Variants in TAFA1 observed in about 807,000 individuals in gnomAD.
TAFA1 encodes chemokine-like protein TAFA-1.
TAFA1 carries 4 observed loss-of-function variants against 18.5 expected under a neutral mutation model. The ratio of observed to expected loss-of-function variants is 0.22; its 90% CI spans 0.11 to 0.49. TAFA1 has a LOEUF of 0.49. TAFA1 is among the 20% of genes least tolerant of loss of function. The probability of loss-of-function intolerance (pLI) is 0.98; values close to 1 mark genes in which losing one functional copy is unlikely to be tolerated. For missense variants in TAFA1, 147 were observed against 169.0 expected, an observed-to-expected ratio of 0.87 and a Z score of 0.72; for synonymous variants, 56 against 55.2, an observed-to-expected ratio of 1.01 and a Z score of -0.06.
intron 3 of TAFA1, among the ~76,000 whole-genome samples, chr3:68,505,917 C>T (rs905369466): frequency 1.3e-5 from 2 of 149,968 alleles, no homozygotes; most frequent in African/African-American, 4.9e-5. Context: ...ACTTTAAGTT[C>T]TGGGATACTT....
chr3:68,223,554 C>T (rs553454722), intron 2 of TAFA1, among the ~76,000 whole-genome samples: 1 of 151,310 alleles, frequency 6.6e-6, no homozygotes, highest in African/African-American at 2.4e-5. Flanking sequence ...TTTATTATCA[C>T]CATGTCCTTC....
At chr3:68,098,409 G>A (rs1364730655) in intron 2 of TAFA1, among the ~76,000 whole-genome samples, 1 of 152,044 alleles carries the variant, frequency 6.6e-6, no homozygotes, top group Non-Finnish European at 1.5e-5. Flanking sequence ...ACCATAAAAT[G>A]GAAAGAATAA....
chr3:68,074,471 T>A (rs2064799507), intron 2 of TAFA1, among the ~76,000 whole-genome samples: 1 of 152,154 alleles, frequency 6.6e-6, no homozygotes, highest in Admixed American at 6.5e-5. Context: ...TCTATGACCT[T>A]GGGCAAATAT....
chr3:68,142,648 A>G (rs1168976023), intron 2 of TAFA1, among the ~76,000 whole-genome samples: 1 of 152,212 alleles, frequency 6.6e-6, no homozygotes, highest in East Asian at 1.9e-4. Context: ...AGGGTGGGCT[A>G]AAGAAGTTCC....
intron 2 of TAFA1, among the ~76,000 whole-genome samples, chr3:68,267,910 T>A (rs1270809755): frequency 6.6e-6 from 1 of 152,176 alleles, no homozygotes; most frequent in Non-Finnish European, 1.5e-5. Flanking sequence ...CAGATAATTT[T>A]AAGGCTGCTA....
At chr3:68,205,953 T>C (rs2066521413) in intron 2 of TAFA1, among the ~76,000 whole-genome samples, 1 of 151,828 alleles carries the variant, frequency 6.6e-6, no homozygotes, top group Admixed American at 6.6e-5. Flanking sequence ...GCAGTAGAAA[T>C]GAAAGTATAG....
rs548215866 is a variant in TAFA1, at chr3:68,311,304, A to G, written c.119-105976A>G. Reference sequence around the variant, plus strand: ...ATCATTCTGCCCCTGGCCTCTCTCAAATTTCATCAAAACCAATCATGCCTT... The same window carrying G: ...ATCATTCTGCCCCTGGCCTCTCTCAGATTTCATCAAAACCAATCATGCCTT... On this transcript the variant is annotated intron_variant, in intron 2 of 4. Transcript: ENST00000478136. 4.6e-4 allele frequency among the ~76,000 whole-genome samples: 12 copies of G among 26,336 alleles called. No individual in the cohort carries two copies. In the South Asian group the frequency reaches 0.011, roughly 24 times the overall value. 17.3% of individuals were successfully genotyped at this position (26,336 alleles called of 152,430 possible). A position where few individuals can be genotyped will look rare whatever the true frequency, so the allele number is the denominator to read the frequency against.
chr3:68,034,096 A>G (rs1025072474), intron 2 of TAFA1, among the ~76,000 whole-genome samples: 5 of 152,174 alleles, frequency 3.3e-5, no homozygotes, highest in South Asian at 2.1e-4. Flanking sequence ...AAAATTGCCT[A>G]CTTGCTACCC....
chr3:68,477,431 G>A (rs1343108784), intron 3 of TAFA1, among the ~76,000 whole-genome samples: 1 of 152,154 alleles, frequency 6.6e-6, no homozygotes, highest in African/African-American at 2.4e-5. Flanking sequence ...CTGGAGTGCA[G>A]TGGTGCAATC....
At chr3:68,380,713 G>T (rs1447143635) in intron 2 of TAFA1, among the ~76,000 whole-genome samples, 1 of 151,920 alleles carries the variant, frequency 6.6e-6, no homozygotes, top group Non-Finnish European at 1.5e-5. Context: ...CTCCCATTTT[G>T]TAGGTTGCCT....
intron 3 of TAFA1, among the ~76,000 whole-genome samples, chr3:68,470,712 T>C (rs1464685919): frequency 1.3e-5 from 2 of 152,108 alleles, no homozygotes; most frequent in African/African-American, 2.4e-5. Context: ...CAAGAGGTGA[T>C]TTAGGTGCTG....
intron 2 of TAFA1, among the ~76,000 whole-genome samples, chr3:68,033,583 G>A (rs1206817880): frequency 6.6e-6 from 1 of 152,110 alleles, no homozygotes; most frequent in Non-Finnish European, 1.5e-5. Context: ...TTATATGCAT[G>A]TAAGCCAATG....
At chr3:68,199,878 T>C (rs75385629) in intron 2 of TAFA1, among the ~76,000 whole-genome samples, 5,446 of 151,560 alleles carry the variant, frequency 0.036, 163 homozygotes, top group Non-Finnish European at 0.051. Flanking sequence ...AGTATGAACA[T>C]TGAAAAGGAG....
At chr3:68,374,836 C>G (rs2069777344) in intron 2 of TAFA1, among the ~76,000 whole-genome samples, 1 of 152,134 alleles carries the variant, frequency 6.6e-6, no homozygotes, top group South Asian at 2.1e-4. Flanking sequence ...TGCATATTAT[C>G]TCAATGATCT....
rs941460756 is a variant in TAFA1, at chr3:68,392,175, G to C, written c.119-25105G>C. Among the ~76,000 whole-genome samples, 8 of 22,380 alleles carry C rather than the reference G, an allele frequency of 3.6e-4. No individual in the cohort carries two copies. The South Asian group carries it at 8.5e-3, about 24-fold the overall frequency. 14.7% of individuals were successfully genotyped at this position (22,380 alleles called of 152,430 possible). A position where few individuals can be genotyped will look rare whatever the true frequency, so the allele number is the denominator to read the frequency against. The stretch of plus-strand genomic sequence containing the variant: ...AAGGGAGGGAGGAATATTTAGGAAA[G>C]CAAAAAAAAAAAAAAAAAAAAGTAG... On this transcript the variant is annotated intron_variant, in intron 2 of 4. Coordinates refer to ENST00000478136, the MANE Select transcript of TAFA1 (RefSeq NM_213609.4).
At chr3:68,214,743 A>C (rs1319322979) in intron 2 of TAFA1, among the ~76,000 whole-genome samples, 1 of 152,106 alleles carries the variant, frequency 6.6e-6, no homozygotes, top group African/African-American at 2.4e-5. Flanking sequence ...TATCATCAGC[A>C]ACTGCAGTTT....
rs149288538 is a variant in TAFA1 at position 68,185,277 on chromosome 3, G to A, written c.118+178533G>A. Among the ~76,000 whole-genome samples, 841 of 152,162 alleles carry A rather than the reference G, an allele frequency of 5.5e-3. 4 individuals are homozygous for A. Among genetic ancestry groups the A allele is most frequent in the Non-Finnish European group, 9.2e-3 (626 of 67,988 alleles). On this transcript the variant is annotated intron_variant, in intron 2 of 4. Transcript: ENST00000478136. Reference sequence around the variant, plus strand: ...AAGGGAAAGGACGTTTCCAAATAGAGCAAATCACATTTGGGGAGCCAACAT... The same window carrying A: ...AAGGGAAAGGACGTTTCCAAATAGAACAAATCACATTTGGGGAGCCAACAT...
chr3:68,396,265 A>G (rs1010653562), intron 2 of TAFA1, among the ~76,000 whole-genome samples: 1 of 152,164 alleles, frequency 6.6e-6, no homozygotes, highest in Non-Finnish European at 1.5e-5. Flanking sequence ...CAGACAAGTC[A>G]TGAATGAACA....
intron 2 of TAFA1, among the ~76,000 whole-genome samples, chr3:68,246,463 G>A (rs9824986): frequency 4.6e-5 from 7 of 151,406 alleles, no homozygotes; most frequent in African/African-American, 1.7e-4. Context: ...GGTGGCGGGC[G>A]CCTGTAGTCC....
Sources: gnomAD v4.1 joint callset for allele counts (sites outside exome capture counted in the v4.1 genomes callset) on GRCh38, gnomAD v4.1.1 for gene constraint, MANE v1.5 for transcripts, NCBI Gene and HGNC (gene_info 2026-07-23, HGNC 2026-07-21) for gene names.